GARRE1: variants seen among roughly 807,000 people sequenced by gnomAD.
The protein encoded by GARRE1 is granule associated Rac and RHOG effector 1, also known as granule associated Rac and RHOG effector protein 1.
In GARRE1, 49 loss-of-function variants were observed where a neutral mutation model predicts 103.2. That is an observed-to-expected ratio of 0.47 (90% CI 0.38 to 0.60). The LOEUF (loss-of-function observed/expected upper bound fraction) is 0.60, where lower values mean the gene tolerates loss of function less well. GARRE1 is among the 20% of genes least tolerant of loss of function. GARRE1 has a pLI of 0.00. For missense variants in GARRE1, 1,199 were observed against 1,370.5 expected, an observed-to-expected ratio of 0.87 and a Z score of 1.98; for synonymous variants, 505 against 532.8, an observed-to-expected ratio of 0.95 and a Z score of 0.72.
chr19:34,266,409 T>C (rs1441997268), intron 1 of GARRE1, among the ~76,000 whole-genome samples: 3 of 152,236 alleles, frequency 2.0e-5, no homozygotes, highest in African/African-American at 7.2e-5. Context: ...TCACCCAGGC[T>C]GAAGTGCAGT....
Position 34,339,863 on chromosome 19 carries a change from C to T in GARRE1, c.1362-4C>T, listed in dbSNP as rs1251647781. 5.0e-6 allele frequency: 8 copies of T among 1,613,980 alleles called. No homozygotes were observed. Among genetic ancestry groups the T allele is most frequent in the Non-Finnish European group, 6.8e-6 (8 of 1,180,014 alleles). The stretch of plus-strand genomic sequence containing the variant: ...AAGACTAATGCAGCCTAATCTATGC[C>T]TAGGTGCCTGAAAGAAGACCCTGCT... On this transcript the variant is annotated splice_region_variant and splice_polypyrimidine_tract_variant and intron_variant, in intron 8 of 13. Transcript: ENST00000299505.
intron 1 of GARRE1, among the ~76,000 whole-genome samples, chr19:34,288,677 G>T (rs1173317796): frequency 1.3e-5 from 2 of 152,268 alleles, no homozygotes; most frequent in African/African-American, 4.8e-5. Context: ...GGGCTTTGAA[G>T]GGAGGTGATG....
intron 1 of GARRE1, among the ~76,000 whole-genome samples, chr19:34,298,506 A>G (rs1039478064): frequency 4.6e-5 from 7 of 151,840 alleles, no homozygotes; most frequent in African/African-American, 1.7e-4. Flanking sequence ...TGAGGTCAGG[A>G]GTTCGAGACC....
At chr19:34,303,072 T>G (rs2073988967) in intron 2 of GARRE1, among the ~76,000 whole-genome samples, 1 of 152,200 alleles carries the variant, frequency 6.6e-6, no homozygotes, top group Non-Finnish European at 1.5e-5. Context: ...GAAATATTAT[T>G]CTTTTAGGGC....
chr19:34,322,858 G>T (rs918498650), intron 3 of GARRE1, among the ~76,000 whole-genome samples: 1 of 152,158 alleles, frequency 6.6e-6, no homozygotes, highest in Middle Eastern at 3.4e-3. Flanking sequence ...AAAGTGCTGG[G>T]ATTACAGGTG....
Position 34,275,169 on chromosome 19 carries a change from T to TG in GARRE1, c.-796+20555_-796+20556insG, listed in dbSNP as rs35199209. Among the ~76,000 whole-genome samples the TG allele has an allele frequency of 4.7e-3, 101 of 21,420 alleles. 1 individual carries two copies. Among genetic ancestry groups the TG allele is most frequent in the Admixed American group, 0.015 (19 of 1,282 alleles). The allele number at this position is 21,420 out of a possible 152,430, so 14.1% of individuals were successfully genotyped here. On this transcript the variant is annotated intron_variant, in intron 1 of 13. Transcript: ENST00000299505. ...TGGAGAGGACAGAACATTTTCTGTG[T>TG]TTTTTTTTTTTTCCTCAGAAGAGGG... is the stretch of plus-strand genomic sequence containing the variant.
chr19:34,259,658 T>G (rs900116105), intron 1 of GARRE1, among the ~76,000 whole-genome samples: 4 of 150,754 alleles, frequency 2.7e-5, no homozygotes, highest in South Asian at 2.1e-4. Flanking sequence ...ATGAAGTTTT[T>G]TTTGTTTGTT....
chr19:34,261,520 C>G (rs2073718757), intron 1 of GARRE1, among the ~76,000 whole-genome samples: 1 of 152,122 alleles, frequency 6.6e-6, no homozygotes, highest in Non-Finnish European at 1.5e-5. Context: ...TAAGCTCTTC[C>G]TACACTGCTC....
chr19:34,351,589 C>G lies in GARRE1; in HGVS notation c.2901C>G (p.Asn967Lys), dbSNP rs572743036. Residue 967 changes from asparagine to lysine, a missense_variant, in exon 13 of 14, where the codon AAC becomes AAG. Asn to Lys is a moderately conservative substitution (Grantham distance 94, BLOSUM62 0). Transcript: ENST00000299505. ...TCCTCACCACGGTGGAGGATGTGAACCAGGTATTCAGGCAGGCTCTGTGGG... is the reference window on the plus strand; with the variant it reads ...TCCTCACCACGGTGGAGGATGTGAAGCAGGTATTCAGGCAGGCTCTGTGGG... ...PPLLTTVEDV[N>K]QDNKTKTWPP... is the part of the protein sequence containing the mutation. 1.9e-6 allele frequency: 3 copies of G among 1,612,090 alleles called. No homozygotes were observed. Among genetic ancestry groups the G allele is most frequent in the Non-Finnish European group, 2.5e-6 (3 of 1,178,224 alleles).
intron 11 of GARRE1, 45 bp from the exon 12 acceptor site, chr19:34,348,970 TG>T: frequency 6.2e-7 from 1 of 1,601,192 alleles, no homozygotes. Context: ...TGGCGGGTGG[TG>T]GGGCTGCAGG....
chr19:34,289,739 AAAAG>A (rs1408103323), intron 1 of GARRE1, among the ~76,000 whole-genome samples: 1 of 152,120 alleles, frequency 6.6e-6, no homozygotes, highest in East Asian at 1.9e-4. Context: ...AAAAATAAAA[AAAAG>A]TAAATATTAG....
chr19:34,261,992 C>CA (rs2073721241), intron 1 of GARRE1, among the ~76,000 whole-genome samples: 2 of 150,910 alleles, frequency 1.3e-5, no homozygotes, highest in African/African-American at 4.9e-5. Context: ...GTCTCCCTGC[C>CA]TTTTTTTTTG....
chr19:34,290,498 TTC>T (rs889554137), intron 1 of GARRE1, among the ~76,000 whole-genome samples: 39 of 151,638 alleles, frequency 2.6e-4, no homozygotes, highest in African/African-American at 9.4e-4. Context: ...AAGCCTTTTT[TTC>T]TCTCTCTCTC....
intron 9 of GARRE1, among the ~76,000 whole-genome samples, chr19:34,340,202 C>T (rs533767319): frequency 1.4e-4 from 21 of 152,250 alleles, no homozygotes; most frequent in Middle Eastern, 3.4e-3. Flanking sequence ...ACCAGATTCC[C>T]CTATTTGCTA....
At chr19:34,343,665 A>C (rs572090047) in intron 10 of GARRE1, among the ~76,000 whole-genome samples, 1 of 151,948 alleles carries the variant, frequency 6.6e-6, no homozygotes, top group South Asian at 2.1e-4. Context: ...TGGCCAACAT[A>C]GTGAAACCCC....
intron 7 of GARRE1, among the ~76,000 whole-genome samples, chr19:34,331,466 C>G (rs1036385092): frequency 1.3e-5 from 2 of 152,274 alleles, no homozygotes; most frequent in African/African-American, 2.4e-5. Context: ...AAGTAGTACC[C>G]CCATCCAGTC....
intron 2 of GARRE1, among the ~76,000 whole-genome samples, chr19:34,318,778 A>G (rs2074071514): frequency 6.6e-6 from 1 of 152,168 alleles, no homozygotes; most frequent in Non-Finnish European, 1.5e-5. Context: ...ATGGGAGCTC[A>G]TGCCTGTAAT....
At chr19:34,309,174 C>A (rs1165313873) in intron 2 of GARRE1, among the ~76,000 whole-genome samples, 1 of 151,878 alleles carries the variant, frequency 6.6e-6, no homozygotes, top group African/African-American at 2.4e-5. Context: ...TTATGCAATA[C>A]CACGAGAAGG....
rs999716901 is a variant in GARRE1 at position 34,287,349 on chromosome 19, A to G, written c.-795-12330A>G. 2.6e-5 allele frequency among the ~76,000 whole-genome samples: 4 copies of G among 152,140 alleles called. No homozygotes were observed. The South Asian group carries it at 6.2e-4, about 24-fold the overall frequency. On this transcript the variant is annotated intron_variant, in intron 1 of 13. Coordinates refer to ENST00000299505, the MANE Select transcript of GARRE1 (RefSeq NM_014686.5). ...TTGTTGTTGTTTGTTTAGAGACAAG[A>G]TCTCACTATTTTGCCCAGACTGGAC...
Sources: allele counts gnomAD v4.1 joint callset (sites outside exome capture counted in the v4.1 genomes callset), GRCh38; gene constraint gnomAD v4.1.1; transcripts MANE v1.5; gene names NCBI Gene and HGNC (gene_info 2026-07-23, HGNC 2026-07-21).